The following ST7L variants were observed in gnomAD, a reference collection of about 807,000 sequenced individuals.
The protein encoded by ST7L is suppressor of tumorigenicity 7 protein-like.
In ST7L, 57 loss-of-function variants were observed where a neutral mutation model predicts 72.5. The observed-to-expected ratio is 0.79, with a 90% CI of 0.64 to 0.98. The LOEUF is 0.98. Among genes scored for constraint, ST7L ranks in the 50% least tolerant of loss-of-function variants. The pLI is 0.00. For synonymous variants in ST7L, 221 were observed against 240.9 expected (o/e 0.92, Z 0.77); for missense variants, 576 against 672.2 (o/e 0.86, Z 1.58).
intron 14 of ST7L, among the ~76,000 whole-genome samples, chr1:112,531,862 A>C (rs1351426306): frequency 1.3e-5 from 2 of 152,218 alleles, no homozygotes; most frequent in African/African-American, 4.8e-5. Flanking sequence ...TTACAAATCT[A>C]AACTTTGAAA....
intron 5 of ST7L, among the ~76,000 whole-genome samples, chr1:112,596,263 A>G (rs1186748345): frequency 6.6e-6 from 1 of 152,216 alleles, no homozygotes; most frequent in African/African-American, 2.4e-5. Flanking sequence ...CTCTTAACCT[A>G]TTTAATCTAG....
downstream of ST7L, chr1:112,521,231 A>G (rs1652854412): frequency 6.6e-6 from 1 of 151,894 alleles, no homozygotes; most frequent in African/African-American, 2.4e-5. Context: ...AGTGGTTCCC[A>G]TGCTTAACAA....
At chr1:112,519,872 C>CTTTTTTTTTT (rs71081244), downstream of ST7L, among the ~76,000 whole-genome samples, 1 of 115,648 alleles carries the variant, frequency 8.6e-6, no homozygotes. Flanking sequence ...GCCCATGCTT[C>CTTTTTTTTTT]TTTTTTTTTT....
Position 112,592,053 on chromosome 1 carries a change from G to A in ST7L, c.623-450C>T, listed in dbSNP as rs1428092092. Among the ~76,000 whole-genome samples the A allele has an allele frequency of 3.3e-5, 5 of 150,612 alleles. No homozygotes were observed. The South Asian group carries it at 8.4e-4, about 25-fold the overall frequency. ...TTGTCTAATGAATGATTCACTCTAC[G>A]AAGAATGTACGGGCTTGCGTTTTGT... On this transcript the variant is annotated intron_variant, in intron 5 of 14. Transcript: ENST00000358039.
At chr1:112,562,105 T>A (rs1401359676) in intron 11 of ST7L, among the ~76,000 whole-genome samples, 1 of 152,020 alleles carries the variant, frequency 6.6e-6, no homozygotes, top group Non-Finnish European at 1.5e-5. Context: ...TAGCTGGGAC[T>A]GTAGGTGCAA....
intron 14 of ST7L, chr1:112,540,948 C>T: frequency 1.1e-6 from 1 of 900,352 alleles, no homozygotes; most frequent in East Asian, 6.2e-5. Context: ...ATTATCTTTG[C>T]TAATTTTACT....
At chr1:112,606,623 G>A (rs772211205) in intron 3 of ST7L, among the ~76,000 whole-genome samples, 4 of 152,112 alleles carry the variant, frequency 2.6e-5, no homozygotes, top group East Asian at 1.9e-4. Flanking sequence ...CCACTTCTTC[G>A]TAACAAAATC....
chr1:112,589,974 C>G (rs1316673001), intron 6 of ST7L, among the ~76,000 whole-genome samples: 1 of 152,216 alleles, frequency 6.6e-6, no homozygotes, highest in Non-Finnish European at 1.5e-5. Flanking sequence ...ACTTTGCTCA[C>G]AAGCTTTCTG....
At chr1:112,546,794 C>T (rs993093924) in intron 13 of ST7L, among the ~76,000 whole-genome samples, 3 of 151,946 alleles carry the variant, frequency 2.0e-5, no homozygotes, top group Admixed American at 6.6e-5. Context: ...CTACAACATT[C>T]ACTAATTATA....
At chr1:112,586,644 T>G (rs1361030294) in intron 6 of ST7L, among the ~76,000 whole-genome samples, 1 of 152,160 alleles carries the variant, frequency 6.6e-6, no homozygotes, top group Non-Finnish European at 1.5e-5. Flanking sequence ...AAAGATTTTT[T>G]CCCCCTTAAA....
At position 112,556,130 on chromosome 1, in the gene ST7L, C is replaced by T. The variant is rs112550700; in HGVS notation, c.1246-112G>A. On this transcript the variant is annotated intron_variant, in intron 11 of 14. Transcript: ENST00000358039. Reference sequence around the variant, plus strand: ...AGATTCAAAGTGTTAGAAAGTTAAACTGATTTTTAAAAAACTAACTGAAAT... The same window carrying T: ...AGATTCAAAGTGTTAGAAAGTTAAATTGATTTTTAAAAAACTAACTGAAAT... 1.4e-5 allele frequency: 12 copies of T among 879,832 alleles called. No homozygotes were observed. The African/African-American group carries it at 1.9e-4, about 14-fold the overall frequency. 54.5% of individuals were successfully genotyped at this position (879,832 alleles called of 1,614,324 possible). A position where few individuals can be genotyped will look rare whatever the true frequency, so the allele number is the denominator to read the frequency against.
At chr1:112,579,413 A>C (rs1486780797) in intron 9 of ST7L, among the ~76,000 whole-genome samples, 2 of 151,106 alleles carry the variant, frequency 1.3e-5, no homozygotes, top group African/African-American at 4.8e-5. Flanking sequence ...ATAAAAAAAA[A>C]ACCTGCTTAT....
Position 112,577,024 on chromosome 1 carries a change from T to C in ST7L, c.1207A>G (p.Ile403Val). The C allele has an allele frequency of 1.9e-6, 3 of 1,610,494 alleles. No individual in the cohort carries two copies. The highest frequency in any genetic ancestry group is 2.5e-6 in the Non-Finnish European group (3 of 1,177,798). ...STAEINAVEA[I>V]HRAVEFNPHV... ...GGATTAAATTCCACAGCTCTATGAA[T>C]TGCTTCCACGGCATTAATTTCTGCT... Residue 403 changes from isoleucine to valine, a missense_variant, in exon 11 of 15, where the codon ATT (isoleucine) becomes GTT (valine). Around this residue, in one of 3 missense-constraint regions of ST7L, gnomAD observed 511 missense variants for 600.7 expected, o/e 0.85. Coordinates refer to ENST00000358039, the MANE Select transcript of ST7L (RefSeq NM_017744.5).
intron 11 of ST7L, among the ~76,000 whole-genome samples, chr1:112,560,986 T>G (rs1660031414): frequency 6.6e-6 from 1 of 151,182 alleles, no homozygotes; most frequent in African/African-American, 2.4e-5. Context: ...AAAAAAAAAC[T>G]TATTAACTGA....
intron 14 of ST7L, chr1:112,540,558 G>A (rs1655939852): frequency 2.0e-6 from 2 of 985,276 alleles, no homozygotes; most frequent in Admixed American, 6.2e-5. Flanking sequence ...CCAGAATCAA[G>A]TGCAGACTCA....
intron 14 of ST7L, among the ~76,000 whole-genome samples, chr1:112,534,086 T>C (rs988854430): frequency 6.6e-6 from 1 of 152,204 alleles, no homozygotes; most frequent in African/African-American, 2.4e-5. Context: ...GCAGTAAACA[T>C]TTCTCCAACC....
chr1:112,568,406 G>A (rs1231277197), intron 11 of ST7L, among the ~76,000 whole-genome samples: 1 of 143,208 alleles, frequency 7.0e-6, no homozygotes, highest in Non-Finnish European at 1.5e-5. Flanking sequence ...GCATGATCTC[G>A]GCTCACTGCA....
At chr1:112,617,961 T>C (rs1670178901) in intron 1 of ST7L, 3 of 1,298,972 alleles carry the variant, frequency 2.3e-6, no homozygotes, top group South Asian at 1.2e-5. Flanking sequence ...TTGAACTTGA[T>C]ACCTATCCTC....
At chr1:112,588,937 T>C (rs1380153927) in intron 6 of ST7L, among the ~76,000 whole-genome samples, 2 of 152,176 alleles carry the variant, frequency 1.3e-5, no homozygotes, top group Non-Finnish European at 2.9e-5. Context: ...TACTCCTTAA[T>C]TTTTTCCTGC....
Sources: gnomAD v4.1 joint callset for allele counts (sites outside exome capture counted in the v4.1 genomes callset) on GRCh38, gnomAD v4.1.1 for gene constraint, gnomAD v4.1.1 regional missense constraint, MANE v1.5 for transcripts, NCBI Gene and HGNC (gene_info 2026-07-23, HGNC 2026-07-21) for gene names.